SPATA6L: variants seen among roughly 807,000 people sequenced by gnomAD.
The protein encoded by SPATA6L is spermatogenesis associated 6-like protein.
SPATA6L carries 68 observed loss-of-function variants against 49.2 expected under a neutral mutation model. That is an observed-to-expected ratio of 1.38 (90% CI 1.14 to 1.69). The LOEUF (loss-of-function observed/expected upper bound fraction) is 1.69. Ranked by LOEUF, SPATA6L falls within the 40% of genes most tolerant of loss-of-function variation. SPATA6L has a pLI of 0.00. For missense variants in SPATA6L, 668 were observed against 464.3 expected (o/e 1.44, Z -4.03); for synonymous variants, 198 against 165.7 (o/e 1.19, Z -1.50).
At chr9:4,635,183 C>A in intron 4 of SPATA6L, 92 bp downstream of exon 4, 1 of 1,370,366 alleles carries the variant, frequency 7.3e-7, no homozygotes, top group South Asian at 1.8e-5. Flanking sequence ...GGGTACTAAC[C>A]AAGATAAAGA....
At chr9:4,660,673 A>G (rs994288375) in intron 2 of SPATA6L, among the ~76,000 whole-genome samples, 1 of 152,244 alleles carries the variant, frequency 6.6e-6, no homozygotes, top group Non-Finnish European at 1.5e-5. Context: ...CAGCCATCCC[A>G]TTACTGGGTA....
intron 2 of SPATA6L, among the ~76,000 whole-genome samples, chr9:4,658,264 C>T (rs1022169312): frequency 2.6e-5 from 4 of 152,162 alleles, no homozygotes; most frequent in Non-Finnish European, 5.9e-5. Context: ...AGTAAATAAT[C>T]AACATGAACT....
intron 2 of SPATA6L, among the ~76,000 whole-genome samples, chr9:4,657,517 T>C (rs1449299535): frequency 6.6e-6 from 1 of 151,092 alleles, no homozygotes; most frequent in Admixed American, 6.6e-5. Flanking sequence ...AGGGCAAAAA[T>C]TTGAGCACAG....
chr9:4,649,149 C>T (rs1014911879), intron 3 of SPATA6L, among the ~76,000 whole-genome samples: 1 of 152,074 alleles, frequency 6.6e-6, no homozygotes, highest in African/African-American at 2.4e-5. Flanking sequence ...ATTGGTTCCA[C>T]ATTTTTGCAA....
intron 6 of SPATA6L, among the ~76,000 whole-genome samples, chr9:4,623,061 C>T (rs967827376): frequency 2.0e-5 from 3 of 152,158 alleles, no homozygotes; most frequent in African/African-American, 4.8e-5. Context: ...GGGTGGATCA[C>T]CTGAGGTCGG....
At chr9:4,630,245 G>T (rs961593233) in intron 4 of SPATA6L, among the ~76,000 whole-genome samples, 3 of 152,092 alleles carry the variant, frequency 2.0e-5, no homozygotes, top group African/African-American at 7.2e-5. Context: ...ATCTATACAT[G>T]TGTTAAAATT....
chr9:4,641,743 G>A (rs529535564), intron 3 of SPATA6L, among the ~76,000 whole-genome samples: 291 of 152,244 alleles, frequency 1.9e-3, no homozygotes, highest in Non-Finnish European at 3.5e-3. Flanking sequence ...CATTTTAGAA[G>A]GTTTAAAAAG....
intron 4 of SPATA6L, among the ~76,000 whole-genome samples, chr9:4,634,897 T>G (rs757437684): frequency 8.5e-5 from 13 of 152,150 alleles, no homozygotes; most frequent in Non-Finnish European, 1.8e-4. Context: ...TTGAGAATTG[T>G]TGGGAGAAAA....
chr9:4,644,218 AAT>A (rs1834754242), intron 3 of SPATA6L, among the ~76,000 whole-genome samples: 5 of 120,998 alleles, frequency 4.1e-5, no homozygotes, highest in African/African-American at 1.5e-4. Flanking sequence ...AAAAAAAAAA[AAT>A]GTAGCTGGGC....
chr9:4,662,308 A>G lies in SPATA6L; in HGVS notation c.40-272T>C, dbSNP rs1839992767. On this transcript the variant is annotated intron_variant, in intron 1 of 11. Transcript: ENST00000682582. The surrounding 1 kb of genome is among the most constrained non-coding windows in gnomAD (Gnocchi z 4.9). ...TCCGGGATGGTAGTGCGGAAGCGGA[A>G]GAGGCTGCAGGGCCGGGAAGCCTCT... 7.0e-7 allele frequency: 1 copy of G among 1,436,138 alleles called. No individual in the cohort carries two copies. The highest frequency in any genetic ancestry group is 1.4e-5 in the African/African-American group (1 of 69,620). 89.0% of individuals were successfully genotyped at this position (1,436,138 alleles called of 1,614,324 possible).
rs142761365 is a variant in SPATA6L, at chr9:4,637,151, G to C, written c.227-1752C>G. Among the ~76,000 whole-genome samples the C allele has an allele frequency of 9.2e-3, 1,404 of 152,112 alleles. 19 individuals carry two copies. The highest frequency in any genetic ancestry group is 0.032 in the African/African-American group (1,322 of 41,508). The stretch of plus-strand genomic sequence containing the variant: ...TTCATTTATTGCCACTCTCCCCCTT[G>C]ATCATCGTTCCCTGTCATCCCTTAC... On this transcript the variant is annotated intron_variant, in intron 3 of 11. Transcript: ENST00000682582.
intron 9 of SPATA6L, among the ~76,000 whole-genome samples, chr9:4,613,645 G>A (rs1401083651): frequency 2.6e-5 from 4 of 151,800 alleles, no homozygotes; most frequent in African/African-American, 7.3e-5. Flanking sequence ...GTGCAGTGGC[G>A]CTACCTCCGC....
In SPATA6L at chr9:4,600,304, G is replaced by A. The variant is rs1822898783; in HGVS notation, c.*507C>T. Among the ~76,000 whole-genome samples the A allele has an allele frequency of 6.6e-6, 1 of 152,060 alleles. No homozygotes were observed. Among genetic ancestry groups the A allele is most frequent in the African/African-American group, 2.4e-5 (1 of 41,396 alleles). ...GCTCTCTTTTCCAAGGTTTTTAGTGGACTTCACGTAAATCAAGCCTAACAC... is the reference window on the plus strand; with the variant it reads ...GCTCTCTTTTCCAAGGTTTTTAGTGAACTTCACGTAAATCAAGCCTAACAC... On this transcript the variant is annotated 3_prime_UTR_variant, in exon 12 of 12. Transcript: ENST00000682582.
At chr9:4,602,447 G>A (rs1399559657) in intron 11 of SPATA6L, among the ~76,000 whole-genome samples, 2 of 152,158 alleles carry the variant, frequency 1.3e-5, no homozygotes, top group East Asian at 1.9e-4. Flanking sequence ...TGTGCTAAAG[G>A]TGGGGAGCCC....
intron 8 of SPATA6L, 72 bp from the exon 9 acceptor site, chr9:4,618,182 T>G: frequency 7.4e-7 from 1 of 1,358,074 alleles, no homozygotes; most frequent in Non-Finnish European, 1.0e-6. Flanking sequence ...GGGGTGGGGG[T>G]TGGACAAGGA....
intron 3 of SPATA6L, among the ~76,000 whole-genome samples, chr9:4,639,186 G>A (rs930774704): frequency 2.0e-5 from 3 of 152,130 alleles, no homozygotes; most frequent in African/African-American, 4.8e-5. Context: ...CACCAGCCCA[G>A]CAGCGGCCCC....
At chr9:4,622,189 AC>A (rs1265529534) in intron 7 of SPATA6L, among the ~76,000 whole-genome samples, 1 of 152,232 alleles carries the variant, frequency 6.6e-6, no homozygotes, top group African/African-American at 2.4e-5. Context: ...GCCGCTCAGA[AC>A]GGTCCCCTTC....
At chr9:4,661,867 A>G (rs770184018) in intron 2 of SPATA6L, 32 bp downstream of exon 2, 6 of 1,610,386 alleles carry the variant, frequency 3.7e-6, no homozygotes, top group Non-Finnish European at 5.1e-6. Flanking sequence ...TTATCTTCAG[A>G]CAACAAAAGC....
At chr9:4,666,119 A>C in intron 1 of SPATA6L, 93 bp downstream of exon 1, 1 of 1,067,250 alleles carries the variant, frequency 9.4e-7, no homozygotes, top group Non-Finnish European at 1.5e-6. Flanking sequence ...GTTTGTGGTA[A>C]GTGGGGGATG....
Sources: allele counts gnomAD v4.1 joint callset (sites outside exome capture counted in the v4.1 genomes callset), GRCh38; gene constraint gnomAD v4.1.1; non-coding constraint Gnocchi (gnomAD v3.1); transcripts MANE v1.5; gene names NCBI Gene and HGNC (gene_info 2026-07-23, HGNC 2026-07-21).